The following SHC3 variants were observed in gnomAD, a reference collection of about 807,000 sequenced individuals.
SHC3 encodes the protein SHC adaptor protein 3.
In SHC3, 15 loss-of-function variants were observed where a neutral mutation model predicts 60.4. The observed-to-expected ratio is 0.25, with a 90% CI of 0.17 to 0.38. The LOEUF (loss-of-function observed/expected upper bound fraction) is 0.38, where lower values mean the gene tolerates loss of function less well. Ranked by LOEUF, SHC3 falls within the 10% of genes least tolerant of loss-of-function variation. The pLI, the probability that SHC3 is intolerant of heterozygous loss-of-function variation, is 1.00. For missense variants in SHC3, 677 were observed against 786.1 expected, an observed-to-expected ratio of 0.86 and a Z score of 1.66; for synonymous variants, 294 against 325.9, an observed-to-expected ratio of 0.90 and a Z score of 1.05.
chr9:89,032,259 A>G (rs559925173), intron 11 of SHC3, among the ~76,000 whole-genome samples: 1 of 152,322 alleles, frequency 6.6e-6, no homozygotes, highest in African/African-American at 2.4e-5. Flanking sequence ...ACATTTAAAA[A>G]CTACTCTTAA....
At chr9:89,046,210 C>T (rs1256957436) in intron 8 of SHC3, among the ~76,000 whole-genome samples, 1 of 151,958 alleles carries the variant, frequency 6.6e-6, no homozygotes, top group Non-Finnish European at 1.5e-5. Flanking sequence ...ATCGTTCACA[C>T]TTGGTCAAGT....
intron 6 of SHC3, among the ~76,000 whole-genome samples, chr9:89,060,883 G>A (rs1000994886): frequency 6.6e-6 from 1 of 152,104 alleles, no homozygotes; most frequent in Non-Finnish European, 1.5e-5. Context: ...AGGAAAGAAG[G>A]CAGAGAACTG....
intron 2 of SHC3, chr9:89,109,274 G>A (rs1273227984): frequency 2.7e-6 from 2 of 740,168 alleles, no homozygotes; most frequent in Non-Finnish European, 3.3e-6. Context: ...GGGTCGCAGA[G>A]GATGCATGGG....
chr9:89,111,521 C>T (rs902050985), intron 2 of SHC3, among the ~76,000 whole-genome samples: 1 of 151,734 alleles, frequency 6.6e-6, no homozygotes, highest in Non-Finnish European at 1.5e-5. Flanking sequence ...TTCCTTCCTT[C>T]AGGTAGATTA....
chr9:89,064,380 A>G (rs909090769), intron 6 of SHC3, among the ~76,000 whole-genome samples: 1 of 152,190 alleles, frequency 6.6e-6, no homozygotes, highest in Admixed American at 6.5e-5. Flanking sequence ...CTGGTGAGGC[A>G]GCCACGGGAC....
chr9:89,043,513 A>G (rs889912155), intron 9 of SHC3, among the ~76,000 whole-genome samples: 3 of 152,198 alleles, frequency 2.0e-5, no homozygotes, highest in African/African-American at 7.2e-5. Flanking sequence ...TTCCCACCAT[A>G]GATGACAACA....
intron 11 of SHC3, among the ~76,000 whole-genome samples, chr9:89,016,003 G>T (rs1278092065): frequency 6.6e-6 from 1 of 151,968 alleles, no homozygotes; most frequent in Non-Finnish European, 1.5e-5. Context: ...AGAAATAATA[G>T]ATAAAAATTA....
At chr9:89,022,943 T>A (rs967794586) in intron 11 of SHC3, among the ~76,000 whole-genome samples, 2 of 152,262 alleles carry the variant, frequency 1.3e-5, no homozygotes, top group Non-Finnish European at 2.9e-5. Flanking sequence ...CCTCCCTTGC[T>A]GTGTTGTCTT....
At chr9:89,021,326 T>C (rs1826197458) in intron 11 of SHC3, among the ~76,000 whole-genome samples, 1 of 152,126 alleles carries the variant, frequency 6.6e-6, no homozygotes, top group Non-Finnish European at 1.5e-5. Flanking sequence ...CAGCATTTGA[T>C]GAGTCACTGC....
chr9:89,079,746 C>T (rs1825416261), intron 2 of SHC3, among the ~76,000 whole-genome samples: 1 of 152,190 alleles, frequency 6.6e-6, no homozygotes. Context: ...CCTTTTCACA[C>T]AGAACAGAAT....
intron 11 of SHC3, among the ~76,000 whole-genome samples, chr9:89,030,180 CA>C (rs1191574450): frequency 6.6e-6 from 1 of 152,032 alleles, no homozygotes; most frequent in Admixed American, 6.6e-5. Flanking sequence ...CAGGGAGATA[CA>C]AAAGTTATAC....
intron 1 of SHC3, among the ~76,000 whole-genome samples, chr9:89,170,333 C>T (rs2118265817): frequency 1.3e-5 from 2 of 152,352 alleles, no homozygotes; most frequent in South Asian, 4.1e-4. Flanking sequence ...ACCTGCACTA[C>T]TCACTTTAAT....
intron 4 of SHC3, among the ~76,000 whole-genome samples, chr9:89,074,691 C>CAAAAAAAAAAAA (rs68051828): frequency 8.3e-5 from 5 of 59,926 alleles, no homozygotes; most frequent in Non-Finnish European, 8.7e-5. Context: ...GCCACTAAAG[C>CAAAAAAAAAAAA]AAAAAAAAAA....
chr9:89,035,613 T>G (rs1423620261), intron 11 of SHC3, among the ~76,000 whole-genome samples: 2 of 151,912 alleles, frequency 1.3e-5, no homozygotes, highest in African/African-American at 2.4e-5. Flanking sequence ...GATGAATGAT[T>G]TAGTAAATGG....
At chr9:89,163,415 T>C (rs1183637130) in intron 1 of SHC3, among the ~76,000 whole-genome samples, 8 of 151,690 alleles carry the variant, frequency 5.3e-5, no homozygotes, top group Non-Finnish European at 1.2e-4. Flanking sequence ...TATGAAGCCA[T>C]AAAAAATGAT....
intron 2 of SHC3, among the ~76,000 whole-genome samples, chr9:89,082,277 C>T (rs901945519): frequency 6.6e-6 from 1 of 152,178 alleles, no homozygotes; most frequent in Admixed American, 6.5e-5. Context: ...CACCCGCTCC[C>T]TCCCAGCATC....
intron 1 of SHC3, among the ~76,000 whole-genome samples, chr9:89,123,112 G>A (rs927905250): frequency 6.6e-6 from 1 of 152,176 alleles, no homozygotes; most frequent in Non-Finnish European, 1.5e-5. Context: ...ACATGCATGG[G>A]CTATATGATG....
intron 11 of SHC3, among the ~76,000 whole-genome samples, chr9:89,030,343 A>G (rs1373660939): frequency 6.6e-6 from 1 of 152,232 alleles, no homozygotes; most frequent in Non-Finnish European, 1.5e-5. Flanking sequence ...ACAAGGAAAC[A>G]GAAGACTTGA....
At chr9:89,140,862 C>T (rs888691769) in intron 1 of SHC3, among the ~76,000 whole-genome samples, 3 of 151,930 alleles carry the variant, frequency 2.0e-5, no homozygotes, top group East Asian at 1.9e-4. Context: ...ACAGTTCAGT[C>T]GACTGAGGAG....
Sources: gnomAD v4.1 joint callset for allele counts (sites outside exome capture counted in the v4.1 genomes callset) on GRCh38, gnomAD v4.1.1 for gene constraint, MANE v1.5 for transcripts, NCBI Gene and HGNC (gene_info 2026-07-23, HGNC 2026-07-21) for gene names.